Variants in MCPH1 observed in about 807,000 individuals in gnomAD.
The protein encoded by MCPH1 is microcephalin.
In MCPH1, 104 loss-of-function variants were observed where a neutral mutation model predicts 84.5. That is an observed-to-expected ratio of 1.23 (90% confidence interval 1.05 to 1.45). The LOEUF (loss-of-function observed/expected upper bound fraction) is 1.45. MCPH1 is among the 40% of genes most tolerant of loss of function. The probability of loss-of-function intolerance (pLI) is 0.00; values close to 1 mark genes in which losing one functional copy is unlikely to be tolerated. For missense variants in MCPH1, 1,498 were observed against 1,005.7 expected (o/e 1.49, Z -6.62); for synonymous variants, 514 against 366.8 (o/e 1.40, Z -4.58).
intron 13 of MCPH1, among the ~76,000 whole-genome samples, chr8:6,623,881 G>T (rs2129581159): frequency 6.6e-6 from 1 of 152,244 alleles, no homozygotes; most frequent in South Asian, 2.1e-4. Context: ...GAACAGAACT[G>T]GGCCTGAAAG....
rs1424787978 is a variant in MCPH1, at chr8:6,414,804, T to C, written c.154T>C (p.Phe52Leu). The change falls in exon 3 of 14, where the codon TTC (phenylalanine) becomes CTC (leucine). Residue 52 changes from phenylalanine (F) to leucine (L), a missense_variant. Physicochemically the swap from Phe to Leu is conservative, Grantham distance 22 (BLOSUM62 0). Coordinates refer to ENST00000344683, the MANE Select transcript of MCPH1 (RefSeq NM_024596.5). ...TAACAAACAAGTAACTCACGTTATC[T>C]TCAAAGATGGCTACCAGAGCACTTG... ...TFNKQVTHVI[F>L]KDGYQSTWDK... The C allele has an allele frequency of 6.8e-6, 11 of 1,613,894 alleles. No homozygotes were observed. Among genetic ancestry groups the C allele is most frequent in the Non-Finnish European group, 9.3e-6 (11 of 1,179,902 alleles).
chr8:6,542,865 GA>G lies in MCPH1; in HGVS notation c.2214+42940del, dbSNP rs369657907. 2.6e-3 allele frequency among the ~76,000 whole-genome samples: 400 copies of G among 152,250 alleles called. 1 individual carries two copies. Among genetic ancestry groups the G allele is most frequent in the African/African-American group, 9.2e-3 (382 of 41,556 alleles). On this transcript the variant is annotated intron_variant, in intron 12 of 13. Transcript: ENST00000344683. The stretch of plus-strand genomic sequence containing the variant: ...GACTATCCTAAATGGCTAGAAAAGG[GA>G]AAAGGCTAGCGAAACTTAGATGATT...
At chr8:6,623,891 G>C (rs995672721) in intron 13 of MCPH1, among the ~76,000 whole-genome samples, 2 of 152,164 alleles carry the variant, frequency 1.3e-5, no homozygotes, top group Non-Finnish European at 2.9e-5. Context: ...GGGCCTGAAA[G>C]CATGTCTGGG....
chr8:6,611,404 A>G (rs1341334503), intron 12 of MCPH1, among the ~76,000 whole-genome samples: 5 of 152,204 alleles, frequency 3.3e-5, no homozygotes, highest in African/African-American at 1.2e-4. Context: ...AACTTGCTGC[A>G]GCAGCTCACA....
At chr8:6,429,651 G>A (rs1801551158) in intron 3 of MCPH1, among the ~76,000 whole-genome samples, 1 of 151,986 alleles carries the variant, frequency 6.6e-6, no homozygotes, top group Non-Finnish European at 1.5e-5. Context: ...GGGGTCAAGA[G>A]AAAAGCATGT....
intron 12 of MCPH1, among the ~76,000 whole-genome samples, chr8:6,606,060 G>A (rs1050820326): frequency 6.6e-6 from 1 of 152,124 alleles, no homozygotes; most frequent in African/African-American, 2.4e-5. Context: ...GGTAAGTTTT[G>A]TTTTAATAAA....
intron 13 of MCPH1, among the ~76,000 whole-genome samples, chr8:6,624,517 GT>G (rs1831856485): frequency 6.6e-6 from 1 of 152,186 alleles, no homozygotes; most frequent in Non-Finnish European, 1.5e-5. Context: ...AGATCACGTA[GT>G]TCTCAAGTAT....
chr8:6,559,773 G>T (rs1399068256), intron 12 of MCPH1, among the ~76,000 whole-genome samples: 1 of 152,172 alleles, frequency 6.6e-6, no homozygotes. Flanking sequence ...CAGGGCAGAG[G>T]TTCACACTAG....
At chr8:6,592,855 C>G (rs1261340524) in intron 12 of MCPH1, among the ~76,000 whole-genome samples, 1 of 142,766 alleles carries the variant, frequency 7.0e-6, no homozygotes, top group African/African-American at 2.6e-5. Flanking sequence ...TTGGTGAAGA[C>G]GAGGTCTTGC....
rs1491175282 is a variant in MCPH1, at chr8:6,505,447, A to AG, written c.2214+5518_2214+5519insG. Among the ~76,000 whole-genome samples, 13 of 84,270 alleles carry AG rather than the reference A, an allele frequency of 1.5e-4. 1 individual carries two copies. Among genetic ancestry groups the AG allele is most frequent in the African/African-American group, 5.2e-4 (13 of 24,888 alleles). 55.3% of individuals were successfully genotyped at this position (84,270 alleles called of 152,430 possible). A position where few individuals can be genotyped will look rare whatever the true frequency, so the allele number is the denominator to read the frequency against. ...TAAAGAATATATATATTCTTTATATACATATAGAATATATATATTCTTTAC... is the reference window on the plus strand; with the variant it reads ...TAAAGAATATATATATTCTTTATATAGCATATAGAATATATATATTCTTTAC... On this transcript the variant is annotated intron_variant, in intron 12 of 13. Coordinates refer to ENST00000344683, the MANE Select transcript of MCPH1 (RefSeq NM_024596.5).
intron 12 of MCPH1, among the ~76,000 whole-genome samples, chr8:6,560,341 T>C (rs1563128302): frequency 1.3e-5 from 2 of 152,230 alleles, no homozygotes; most frequent in Admixed American, 6.5e-5. Flanking sequence ...ACCCTTTAAC[T>C]GTGTGGCTTA....
intron 12 of MCPH1, among the ~76,000 whole-genome samples, chr8:6,584,254 A>T (rs890743939): frequency 6.6e-6 from 1 of 152,212 alleles, no homozygotes; most frequent in African/African-American, 2.4e-5. Context: ...CCGTAAGTTC[A>T]TCTGGTGCAG....
intron 13 of MCPH1, among the ~76,000 whole-genome samples, chr8:6,642,226 C>T (rs1342352636): frequency 6.6e-6 from 1 of 152,074 alleles, no homozygotes; most frequent in African/African-American, 2.4e-5. Context: ...TTTAATCTAC[C>T]TTATCATCCA....
intron 13 of MCPH1, among the ~76,000 whole-genome samples, chr8:6,622,794 T>C (rs997459625): frequency 6.6e-6 from 1 of 152,198 alleles, no homozygotes; most frequent in African/African-American, 2.4e-5. Context: ...TCTCTAAGGA[T>C]ACCAGTCAGA....
chr8:6,446,867 C>A, intron 8 of MCPH1: 1 of 985,068 alleles, frequency 1.0e-6, no homozygotes, highest in Non-Finnish European at 1.2e-6. Flanking sequence ...GTGTTATGTT[C>A]TAGAACACTG....
chr8:6,449,657 T>C (rs1212785452), intron 8 of MCPH1, among the ~76,000 whole-genome samples: 3 of 150,152 alleles, frequency 2.0e-5, no homozygotes, highest in African/African-American at 7.3e-5. Context: ...AAAAAAGAAA[T>C]AGGAAATTCC....
intron 9 of MCPH1, chr8:6,474,035 C>G: frequency 1.2e-6 from 1 of 833,096 alleles, no homozygotes. Flanking sequence ...ATTATAACCC[C>G]TCATTTGAAG....
At chr8:6,420,200 C>T (rs1235502676) in intron 3 of MCPH1, among the ~76,000 whole-genome samples, 1 of 152,100 alleles carries the variant, frequency 6.6e-6, no homozygotes, top group Non-Finnish European at 1.5e-5. Flanking sequence ...CAGAGCCTGC[C>T]TGTCCTAGTC....
intron 11 of MCPH1, among the ~76,000 whole-genome samples, chr8:6,493,310 A>G (rs912794646): frequency 1.3e-5 from 2 of 152,214 alleles, no homozygotes; most frequent in Non-Finnish European, 2.9e-5. Flanking sequence ...AGGATTAGGT[A>G]GAATGCAAGG....
Sources: gnomAD v4.1 joint callset for allele counts (sites outside exome capture counted in the v4.1 genomes callset) on GRCh38, gnomAD v4.1.1 for gene constraint, MANE v1.5 for transcripts, NCBI Gene and HGNC (gene_info 2026-07-23, HGNC 2026-07-21) for gene names.